The following DLG1 variants were observed in gnomAD, a reference collection of about 807,000 sequenced individuals.
The protein encoded by DLG1 is disks large homolog 1.
A neutral mutation model predicts 123.4 loss-of-function variants in DLG1; 42 were observed. The ratio of observed to expected loss-of-function variants is 0.34; its 90% confidence interval spans 0.27 to 0.44. The LOEUF is 0.44. DLG1 is among the 20% of genes least tolerant of loss of function. DLG1 has a pLI of 1.00. For missense variants in DLG1, 942 were observed against 1,082.6 expected (o/e 0.87, Z 1.82); for synonymous variants, 317 against 356.2 (o/e 0.89, Z 1.24).
At chr3:197,221,388 C>G (rs559726503) in intron 4 of DLG1, among the ~76,000 whole-genome samples, 1 of 152,002 alleles carries the variant, frequency 6.6e-6, no homozygotes, top group African/African-American at 2.4e-5. Context: ...AGTGTGGTGG[C>G]GGGCGCCTGT....
At chr3:197,154,696 A>G (rs1217097351) in intron 5 of DLG1, among the ~76,000 whole-genome samples, 3 of 152,164 alleles carry the variant, frequency 2.0e-5, no homozygotes, top group Non-Finnish European at 2.9e-5. Flanking sequence ...AAGAATTAAA[A>G]GATGTGAACA....
intron 24 of DLG1, among the ~76,000 whole-genome samples, chr3:197,045,050 CAT>C (rs1228472424): frequency 6.6e-6 from 1 of 151,124 alleles, no homozygotes; most frequent in Non-Finnish European, 1.5e-5. Flanking sequence ...TCTCCATAAA[CAT>C]ATGTAGAAAA....
chr3:197,221,389 G>A (rs1314670709), intron 4 of DLG1, among the ~76,000 whole-genome samples: 1 of 151,902 alleles, frequency 6.6e-6, no homozygotes, highest in Non-Finnish European at 1.5e-5. Flanking sequence ...GTGTGGTGGC[G>A]GGCGCCTGTA....
At chr3:197,060,848 C>T (rs562007548) in intron 22 of DLG1, among the ~76,000 whole-genome samples, 3 of 152,168 alleles carry the variant, frequency 2.0e-5, no homozygotes, top group Admixed American at 6.5e-5. Flanking sequence ...GTTTTTGAGA[C>T]GAAGACTTGC....
At chr3:197,050,449 T>TGTAC (rs1162954220) in intron 24 of DLG1, among the ~76,000 whole-genome samples, 1 of 152,058 alleles carries the variant, frequency 6.6e-6, no homozygotes, top group Non-Finnish European at 1.5e-5. Flanking sequence ...TATGTATGTA[T>TGTAC]GCATGCATAT....
intron 14 of DLG1, 90 bp from the exon 15 acceptor site, chr3:197,091,116 A>C: frequency 1.2e-6 from 1 of 833,718 alleles, no homozygotes; most frequent in Non-Finnish European, 1.9e-6. Context: ...CTGTCCTATA[A>C]TTGATTAAAT....
intron 17 of DLG1, among the ~76,000 whole-genome samples, chr3:197,079,936 G>A (rs1749789501): frequency 6.6e-6 from 1 of 151,830 alleles, no homozygotes; most frequent in Non-Finnish European, 1.5e-5. Context: ...AAATTTATTT[G>A]CTGAGTTAAC....
chr3:197,053,614 A>G (rs1340951711), intron 23 of DLG1, among the ~76,000 whole-genome samples: 1 of 151,856 alleles, frequency 6.6e-6, no homozygotes, highest in Non-Finnish European at 1.5e-5. Flanking sequence ...TCCACTAAGA[A>G]TACAAAAATT....
chr3:197,204,171 C>T (rs1378744352), intron 4 of DLG1, among the ~76,000 whole-genome samples: 1 of 152,232 alleles, frequency 6.6e-6, no homozygotes, highest in Non-Finnish European at 1.5e-5. Context: ...GTGATTTCCA[C>T]ATTACACTGA....
intron 5 of DLG1, among the ~76,000 whole-genome samples, chr3:197,151,977 A>G (rs189940556): frequency 1.2e-3 from 183 of 152,284 alleles, no homozygotes; most frequent in African/African-American, 4.2e-3. Flanking sequence ...TCTACCCCCA[A>G]TCTCTAAGTG....
intron 4 of DLG1, among the ~76,000 whole-genome samples, chr3:197,266,613 C>CA (rs1761809774): frequency 6.6e-6 from 1 of 151,494 alleles, no homozygotes; most frequent in African/African-American, 2.4e-5. Context: ...ACCCTGTCTC[C>CA]AAAAAGAAGG....
intron 14 of DLG1, among the ~76,000 whole-genome samples, chr3:197,102,550 T>C (rs1428813428): frequency 6.6e-6 from 1 of 152,226 alleles, no homozygotes. Flanking sequence ...CCCCACCTCT[T>C]ATTATCTTTG....
intron 18 of DLG1, among the ~76,000 whole-genome samples, chr3:197,074,278 G>C (rs1194605059): frequency 3.3e-5 from 5 of 152,048 alleles, no homozygotes; most frequent in Non-Finnish European, 7.4e-5. Flanking sequence ...TTATTCAAGA[G>C]ATCTTAGGTC....
At position 197,297,604 on chromosome 3, in the gene DLG1, C is replaced by T. The variant is rs551409005; in HGVS notation, c.-31-369G>A. On this transcript the variant is annotated intron_variant, in intron 1 of 24. Coordinates refer to ENST00000667157, the MANE Select transcript of DLG1 (RefSeq NM_001366207.1). ...CCTTGGCCCCTGAGCCAGCAGCGGC[C>T]GCAGAGCGCTGAGAGGGGACCAGCG... 4 of 1,016,116 alleles carry T rather than the reference C, an allele frequency of 3.9e-6. No homozygotes were observed. In the African/African-American group the frequency reaches 6.9e-5, roughly 18 times the overall value. 62.9% of individuals were successfully genotyped at this position (1,016,116 alleles called of 1,614,324 possible). A position where few individuals can be genotyped will look rare whatever the true frequency, so the allele number is the denominator to read the frequency against.
intron 4 of DLG1, among the ~76,000 whole-genome samples, chr3:197,205,071 A>C (rs372409681): frequency 1.3e-5 from 2 of 152,298 alleles, no homozygotes; most frequent in East Asian, 1.9e-4. Flanking sequence ...AAAAATAAAA[A>C]TGTGTTCAAC....
intron 2 of DLG1, 125 bp from the exon 3 acceptor site, chr3:197,296,602 C>G (rs1022062278): frequency 7.6e-6 from 6 of 786,698 alleles, no homozygotes; most frequent in African/African-American, 1.7e-5. Context: ...ATTGATGTCA[C>G]TATGTTCATG....
At chr3:197,245,235 T>G (rs115061138) in intron 4 of DLG1, among the ~76,000 whole-genome samples, 1 of 152,204 alleles carries the variant, frequency 6.6e-6, no homozygotes, top group African/African-American at 2.4e-5. Flanking sequence ...TGGATTCCAT[T>G]ATCTGAATCA....
intron 4 of DLG1, among the ~76,000 whole-genome samples, chr3:197,216,508 A>C (rs1200004993): frequency 6.6e-6 from 1 of 152,234 alleles, no homozygotes; most frequent in Non-Finnish European, 1.5e-5. Context: ...ATGGAGTCAC[A>C]TAAGATTTCC....
intron 3 of DLG1, among the ~76,000 whole-genome samples, chr3:197,293,001 G>C (rs1206628293): frequency 2.0e-5 from 3 of 152,138 alleles, no homozygotes; most frequent in Non-Finnish European, 4.4e-5. Context: ...TTAGAATCAT[G>C]AATGAACTGA....
Sources: gnomAD v4.1 joint callset for allele counts (sites outside exome capture counted in the v4.1 genomes callset) on GRCh38, gnomAD v4.1.1 for gene constraint, MANE v1.5 for transcripts, NCBI Gene and HGNC (gene_info 2026-07-23, HGNC 2026-07-21) for gene names.